The following GPD2 variants were observed in gnomAD, a reference collection of about 807,000 sequenced individuals.
GPD2 encodes the protein glycerol-3-phosphate dehydrogenase 2.
Under a neutral mutation model 82.4 loss-of-function variants are expected in GPD2, and 54 were observed. That is an observed-to-expected ratio of 0.66 (90% CI 0.53 to 0.82). The LOEUF is 0.82. Among genes scored for constraint, GPD2 ranks in the 40% least tolerant of loss-of-function variants. The pLI, the probability that GPD2 is intolerant of heterozygous loss-of-function variation, is 0.00. For synonymous variants in GPD2, 288 were observed against 306.1 expected (o/e 0.94, Z 0.62); for missense variants, 748 against 896.2 (o/e 0.83, Z 2.11).
At chr2:156,530,076 G>T (rs1359551833) in intron 6 of GPD2, among the ~76,000 whole-genome samples, 1 of 148,704 alleles carries the variant, frequency 6.7e-6, no homozygotes, top group African/African-American at 2.5e-5. Context: ...CATGAGCATG[G>T]AATGTTCTTC....
At chr2:156,564,613 A>G (rs1687302589) in intron 9 of GPD2, among the ~76,000 whole-genome samples, 1 of 152,120 alleles carries the variant, frequency 6.6e-6, no homozygotes, top group South Asian at 2.1e-4. Context: ...TTCAGTGGCA[A>G]ATAGAGTTTT....
chr2:156,438,901 T>C (rs1224261770), intron 1 of GPD2, among the ~76,000 whole-genome samples: 1 of 152,208 alleles, frequency 6.6e-6, no homozygotes, highest in Non-Finnish European at 1.5e-5. Flanking sequence ...CAATCATTTT[T>C]CCAGTGGTAG....
chr2:156,478,503 A>AAAT (rs1401366802), intron 2 of GPD2, among the ~76,000 whole-genome samples: 6 of 152,174 alleles, frequency 3.9e-5, no homozygotes, highest in Non-Finnish European at 7.4e-5. Context: ...GACTGGCAAA[A>AAAT]AATAATAATA....
At chr2:156,413,240 T>C in the GPD2 span, among the ~76,000 whole-genome samples, 2 of 152,172 alleles carry the variant, frequency 1.3e-5, no homozygotes, top group South Asian at 2.1e-4. Flanking sequence ...CAATATTCCA[T>C]AACCTTTGCT....
chr2:156,403,192 G>C, the GPD2 span, among the ~76,000 whole-genome samples: 11 of 150,730 alleles, frequency 7.3e-5, no homozygotes, highest in African/African-American at 2.7e-4. Flanking sequence ...CTACCTAAAG[G>C]CCTTTTTATT....
At chr2:156,439,135 T>C (rs1682052596) in intron 1 of GPD2, among the ~76,000 whole-genome samples, 1 of 152,234 alleles carries the variant, frequency 6.6e-6, no homozygotes, top group Non-Finnish European at 1.5e-5. Context: ...ATGATCTTTC[T>C]GTTGAAAATT....
Position 156,568,939 on chromosome 2 carries a change from G to A in GPD2, c.1280G>A (p.Ser427Asn), listed in dbSNP as rs1382760481. The A allele has an allele frequency of 1.9e-6, 3 of 1,608,784 alleles. No individual in the cohort carries two copies. The highest frequency in any genetic ancestry group is 2.2e-5 in the South Asian group (2 of 90,932). The change falls in exon 10 of 17, where the codon AGT (serine) becomes AAT (asparagine). Residue 427 changes from serine to asparagine, a missense_variant. Transcript: ENST00000438166. ...SRNHVVDISESGLITIAGGKW... is the reference protein window; with the variant it reads ...SRNHVVDISENGLITIAGGKW... ...AATCATGTTGTTGATATCAGTGAGA[G>A]TGGCCTTATTACTATAGCAGGTATG...
At chr2:156,459,016 T>C (rs1302298650) in intron 1 of GPD2, among the ~76,000 whole-genome samples, 1 of 151,706 alleles carries the variant, frequency 6.6e-6, no homozygotes, top group East Asian at 1.9e-4. Flanking sequence ...AATATATATA[T>C]ATATATATAT....
At chr2:156,497,188 T>A (rs1472702713) in intron 3 of GPD2, among the ~76,000 whole-genome samples, 1 of 152,182 alleles carries the variant, frequency 6.6e-6, no homozygotes. Context: ...GGCAAAGCAC[T>A]TAATTTGTCT....
At chr2:156,545,055 AT>A (rs1453008046) in intron 6 of GPD2, among the ~76,000 whole-genome samples, 1 of 152,210 alleles carries the variant, frequency 6.6e-6, no homozygotes, top group Non-Finnish European at 1.5e-5. Context: ...TTAAAGCAAA[AT>A]AATCCCCTTA....
intron 1 of GPD2, among the ~76,000 whole-genome samples, chr2:156,439,849 A>AAAATAAATGAATAAATAAAT (rs1553463897): frequency 6.8e-6 from 1 of 147,544 alleles, no homozygotes; most frequent in Admixed American, 6.8e-5. Context: ...TCTGTCTCAA[A>AAAATAAATGAATAAATAAAT]AAATAAATAA....
intron 1 of GPD2, among the ~76,000 whole-genome samples, chr2:156,465,858 A>T (rs1683135198): frequency 6.6e-6 from 1 of 152,176 alleles, no homozygotes; most frequent in South Asian, 2.1e-4. Context: ...TTATCAATGA[A>T]TGTGTTTCAT....
intron 6 of GPD2, among the ~76,000 whole-genome samples, 192 bp from the exon 7 acceptor site, chr2:156,549,416 T>A (rs1357651840): frequency 6.6e-6 from 1 of 152,224 alleles, no homozygotes; most frequent in African/African-American, 2.4e-5. Flanking sequence ...ATGCACTTGC[T>A]GAAGCGGCAG....
chr2:156,412,347 G>A, the GPD2 span, among the ~76,000 whole-genome samples: 1 of 151,858 alleles, frequency 6.6e-6, no homozygotes, highest in Non-Finnish European at 1.5e-5. Flanking sequence ...GTTGAGGCAG[G>A]AGAATTGCTT....
intron 6 of GPD2, among the ~76,000 whole-genome samples, chr2:156,533,947 A>G (rs947826089): frequency 6.6e-6 from 1 of 152,222 alleles, no homozygotes; most frequent in African/African-American, 2.4e-5. Context: ...GCATGTCACA[A>G]TGCTCCTTTA....
At chr2:156,405,794 G>A in the GPD2 span, among the ~76,000 whole-genome samples, 2 of 152,134 alleles carry the variant, frequency 1.3e-5, no homozygotes, top group Non-Finnish European at 2.9e-5. Flanking sequence ...TAGAGAGAAG[G>A]AAAGCACTTG....
chr2:156,461,709 C>A (rs907765834), intron 1 of GPD2, among the ~76,000 whole-genome samples: 1 of 152,180 alleles, frequency 6.6e-6, no homozygotes, highest in African/African-American at 2.4e-5. Flanking sequence ...CCTATTATTT[C>A]ATCTTTATTT....
chr2:156,553,946 G>A (rs960030906), intron 8 of GPD2, among the ~76,000 whole-genome samples: 6 of 152,154 alleles, frequency 3.9e-5, no homozygotes, highest in Non-Finnish European at 8.8e-5. Context: ...TTCTATGTTG[G>A]GAGAAATTAA....
At chr2:156,560,439 T>C (rs1202849267) in intron 9 of GPD2, among the ~76,000 whole-genome samples, 2 of 152,180 alleles carry the variant, frequency 1.3e-5, no homozygotes, top group African/African-American at 4.8e-5. Context: ...AAACCAGGTC[T>C]TCCTCCTGGT....
Sources: gnomAD v4.1 joint callset for allele counts (sites outside exome capture counted in the v4.1 genomes callset) on GRCh38, gnomAD v4.1.1 for gene constraint, MANE v1.5 for transcripts, NCBI Gene and HGNC (gene_info 2026-07-23, HGNC 2026-07-21) for gene names.